COL15A1: variants seen among roughly 807,000 people sequenced by gnomAD.
COL15A1 encodes collagen type XV alpha 1 chain, also known as collagen alpha-1(XV) chain.
A neutral mutation model predicts 165.9 loss-of-function variants in COL15A1; 111 were observed. The observed-to-expected ratio is 0.67, with a 90% CI of 0.57 to 0.78. The LOEUF is 0.78. Ranked by LOEUF, COL15A1 falls within the 30% of genes least tolerant of loss-of-function variation. The probability of loss-of-function intolerance (pLI) is 0.00; values close to 1 mark genes in which losing one functional copy is unlikely to be tolerated. For missense variants in COL15A1, 1,745 were observed against 1,789.7 expected, an observed-to-expected ratio of 0.98 and a Z score of 0.45; for synonymous variants, 659 against 674.8, an observed-to-expected ratio of 0.98 and a Z score of 0.36.
At chr9:98,996,601 A>T (rs1001030525) in intron 5 of COL15A1, among the ~76,000 whole-genome samples, 1 of 152,194 alleles carries the variant, frequency 6.6e-6, no homozygotes, top group Non-Finnish European at 1.5e-5. Context: ...TCATTCAATC[A>T]TTCCCTCCTC....
chr9:98,955,455 T>A (rs1213382278), intron 2 of COL15A1, among the ~76,000 whole-genome samples: 5 of 152,200 alleles, frequency 3.3e-5, no homozygotes, highest in Non-Finnish European at 7.3e-5. Context: ...ACAATGAGCA[T>A]TTGAATAAGT....
chr9:99,053,341 T>C (rs1290074328), intron 31 of COL15A1, among the ~76,000 whole-genome samples: 1 of 152,260 alleles, frequency 6.6e-6, no homozygotes, highest in Non-Finnish European at 1.5e-5. Flanking sequence ...CCAGCCTGTT[T>C]GCAAACTCTA....
chr9:98,984,513 T>C (rs2118881155), intron 2 of COL15A1, among the ~76,000 whole-genome samples: 1 of 152,332 alleles, frequency 6.6e-6, no homozygotes, highest in Admixed American at 6.5e-5. Flanking sequence ...GCCTCAGTTT[T>C]CTCAGAAGTA....
At chr9:98,994,214 C>T (rs952377820) in intron 5 of COL15A1, among the ~76,000 whole-genome samples, 38 of 152,116 alleles carry the variant, frequency 2.5e-4, no homozygotes, top group Non-Finnish European at 4.9e-4. Flanking sequence ...TGTTCAGCTT[C>T]AGTAGATCTG....
intron 7 of COL15A1, among the ~76,000 whole-genome samples, chr9:99,002,898 T>C (rs745622532): frequency 1.3e-5 from 2 of 152,208 alleles, no homozygotes; most frequent in Non-Finnish European, 2.9e-5. Flanking sequence ...GAAATGAAGA[T>C]AGAACATAGT....
At chr9:98,950,579 C>A (rs1837668555) in intron 2 of COL15A1, among the ~76,000 whole-genome samples, 1 of 121,000 alleles carries the variant, frequency 8.3e-6, no homozygotes. Flanking sequence ...TTCCTTCCTT[C>A]CTTCCTTCCT....
At chr9:99,027,626 T>A (rs1839148704) in intron 16 of COL15A1, among the ~76,000 whole-genome samples, 2 of 142,852 alleles carry the variant, frequency 1.4e-5, no homozygotes, top group South Asian at 5.0e-4. Context: ...CAAAACACCC[T>A]TGCACAGGCA....
chr9:98,955,049 C>A (rs907219980), intron 2 of COL15A1, among the ~76,000 whole-genome samples: 14 of 152,358 alleles, frequency 9.2e-5, no homozygotes, highest in Admixed American at 5.9e-4. Flanking sequence ...CCTCCAGTAC[C>A]TTGGAATCAT....
chr9:99,025,168 G>A (rs1005907981), intron 15 of COL15A1, among the ~76,000 whole-genome samples, 169 bp downstream of exon 15: 15 of 152,176 alleles, frequency 9.9e-5, no homozygotes, highest in Non-Finnish European at 1.6e-4. Context: ...GCTGAGATTC[G>A]AAAGAAGCAG....
chr9:98,947,030 A>C (rs1333869), intron 2 of COL15A1, among the ~76,000 whole-genome samples: 115,339 of 152,164 alleles, frequency 0.76, 44,345 homozygotes, highest in East Asian at 1. Context: ...TACAATCTAG[A>C]ACTTCCACTC....
At chr9:99,013,281 A>T (rs1259673933) in intron 9 of COL15A1, among the ~76,000 whole-genome samples, 1 of 152,088 alleles carries the variant, frequency 6.6e-6, no homozygotes, top group African/African-American at 2.4e-5. Context: ...GCTGCATGTC[A>T]TGGGGGGGTC....
rs1464156627 is a variant in COL15A1 at position 98,986,117 on chromosome 9, G to A, written c.648+5G>A. 3 of 1,608,896 alleles carry A rather than the reference G, an allele frequency of 1.9e-6. No individual in the cohort carries two copies. The highest frequency in any genetic ancestry group is 2.2e-5 in the East Asian group (1 of 44,826). ...ACAGGGCTCGAGAGATTCACTGTGA[G>A]TTAAAGTCCCACTCCAGGTAGATCA... On this transcript the variant is annotated splice_donor_5th_base_variant and intron_variant, in intron 3 of 41. Coordinates refer to ENST00000375001, the MANE Select transcript of COL15A1 (RefSeq NM_001855.5).
intron 2 of COL15A1, among the ~76,000 whole-genome samples, chr9:98,985,074 G>A (rs138717452): frequency 2.6e-4 from 39 of 152,224 alleles, no homozygotes; most frequent in African/African-American, 8.9e-4. Flanking sequence ...TTTTAGGCGT[G>A]AGCCACCATA....
chr9:99,005,029 C>T lies in COL15A1; in HGVS notation c.1332C>T (p.Ser444=), dbSNP rs145422418. The part of the protein sequence containing the change: ...GELDLSMSAQ[S]LGEEATVGPS... ...TGGACCTCTCCATGTCCGCCCAGAGCCTCGGGGAAGAGGCCACTGTGGTAA... is the reference window on the plus strand; with the variant it reads ...TGGACCTCTCCATGTCCGCCCAGAGTCTCGGGGAAGAGGCCACTGTGGTAA... The change falls in exon 9 of 42, where the codon AGC becomes AGT. Residue 444 remains serine (S), a synonymous_variant. Transcript: ENST00000375001. 644 of 1,610,822 alleles carry T rather than the reference C, an allele frequency of 4.0e-4. 1 individual carries two copies. In the African/African-American group the frequency reaches 7.6e-3, roughly 19 times the overall value.
chr9:98,947,434 T>C (rs1837604119), intron 2 of COL15A1, among the ~76,000 whole-genome samples: 1 of 152,060 alleles, frequency 6.6e-6, no homozygotes, highest in African/African-American at 2.4e-5. Flanking sequence ...AAAACTGGAT[T>C]GTGGTGGTAG....
chr9:98,995,887 C>A (rs1284273707), intron 5 of COL15A1, among the ~76,000 whole-genome samples: 1 of 152,192 alleles, frequency 6.6e-6, no homozygotes, highest in Non-Finnish European at 1.5e-5. Context: ...TTATTGTCCT[C>A]ATTTTTACAG....
At chr9:98,986,873 G>A (rs1353758707) in intron 3 of COL15A1, among the ~76,000 whole-genome samples, 1 of 152,194 alleles carries the variant, frequency 6.6e-6, no homozygotes, top group Admixed American at 6.5e-5. Flanking sequence ...GGGGAGAGGG[G>A]AGGAGAGTGG....
At chr9:99,027,959 G>C (rs912735380) in intron 16 of COL15A1, among the ~76,000 whole-genome samples, 2 of 152,226 alleles carry the variant, frequency 1.3e-5, no homozygotes, top group Admixed American at 6.5e-5. Flanking sequence ...CTTCAGGGCT[G>C]TAGTAGATCA....
chr9:99,023,020 G>A (rs1588519719), intron 13 of COL15A1, among the ~76,000 whole-genome samples: 1 of 152,192 alleles, frequency 6.6e-6, no homozygotes, highest in Non-Finnish European at 1.5e-5. Flanking sequence ...GAGGCTAGTG[G>A]GAGCACTGTG....
Sources: gnomAD v4.1 joint callset for allele counts (sites outside exome capture counted in the v4.1 genomes callset) on GRCh38, gnomAD v4.1.1 for gene constraint, MANE v1.5 for transcripts, NCBI Gene and HGNC (gene_info 2026-07-23, HGNC 2026-07-21) for gene names.